The following RNF111 variants were observed in gnomAD, a reference collection of about 807,000 sequenced individuals.
The protein encoded by RNF111 is E3 ubiquitin-protein ligase Arkadia.
RNF111 carries 17 observed loss-of-function variants against 95.1 expected under a neutral mutation model. That is an observed-to-expected ratio of 0.18 (90% CI 0.12 to 0.27). The LOEUF (loss-of-function observed/expected upper bound fraction) is 0.27, where lower values mean the gene tolerates loss of function less well. Among genes scored for constraint, RNF111 ranks in the 10% least tolerant of loss-of-function variants. The pLI is 1.00. For missense variants in RNF111, 1,189 were observed against 1,210.4 expected (o/e 0.98, Z 0.26); for synonymous variants, 440 against 414.8 (o/e 1.06, Z -0.74).
chr15:58,990,985 C>A lies in RNF111; in HGVS notation c.-20+2917C>A, dbSNP rs551582204. On this transcript the variant is annotated intron_variant, in intron 1 of 13. Transcript: ENST00000348370. ...ATATCATTACATGAGGAGTGAATTACAAATATTTAAAGACAAATACTTAGC... is the reference window on the plus strand; with the variant it reads ...ATATCATTACATGAGGAGTGAATTAAAAATATTTAAAGACAAATACTTAGC... Among the ~76,000 whole-genome samples, 66 of 152,006 alleles carry A rather than the reference C, an allele frequency of 4.3e-4. 1 individual carries two copies. Among genetic ancestry groups the A allele is most frequent in the Non-Finnish European group, 8.2e-4 (56 of 67,982 alleles).
chr15:59,029,244 A>G (rs2040787560), intron 1 of RNF111, among the ~76,000 whole-genome samples: 1 of 151,910 alleles, frequency 6.6e-6, no homozygotes, highest in African/African-American at 2.4e-5. Context: ...GTTTGGCCCC[A>G]TTCAACTCTT....
At chr15:58,997,237 T>A (rs2039117992) in intron 1 of RNF111, among the ~76,000 whole-genome samples, 3 of 152,212 alleles carry the variant, frequency 2.0e-5, no homozygotes, top group Non-Finnish European at 4.4e-5. Context: ...TTTCCTCCTG[T>A]ATTTTATATG....
chr15:58,998,287 G>C (rs1036083610), intron 1 of RNF111, among the ~76,000 whole-genome samples: 1 of 151,576 alleles, frequency 6.6e-6, no homozygotes, highest in African/African-American at 2.4e-5. Context: ...TATAAATGCA[G>C]GTTTGTTACA....
chr15:59,091,515 A>C (rs1400443326), intron 12 of RNF111, among the ~76,000 whole-genome samples: 4 of 152,226 alleles, frequency 2.6e-5, no homozygotes, highest in African/African-American at 9.6e-5. Context: ...TAGCTCCCAC[A>C]GATCACCCTT....
intron 2 of RNF111, among the ~76,000 whole-genome samples, chr15:59,035,032 A>G (rs1354975395): frequency 1.3e-5 from 2 of 152,176 alleles, no homozygotes; most frequent in Non-Finnish European, 2.9e-5. Context: ...CAATTATGGC[A>G]GAAGGTGAAT....
chr15:59,090,332 C>T (rs1450655033), intron 11 of RNF111, among the ~76,000 whole-genome samples: 3 of 152,136 alleles, frequency 2.0e-5, no homozygotes, highest in Non-Finnish European at 4.4e-5. Context: ...TGGGTTCAAG[C>T]AATTCTCCTG....
At chr15:59,084,102 T>C (rs767206571) in intron 8 of RNF111, 27 bp from the exon 9 acceptor site, 11 of 1,548,328 alleles carry the variant, frequency 7.1e-6, no homozygotes, top group Non-Finnish European at 9.6e-6. Context: ...TTATTTCCAG[T>C]GGTCTTTTTG....
At chr15:59,062,010 T>C (rs915904669) in intron 5 of RNF111, among the ~76,000 whole-genome samples, 5 of 151,826 alleles carry the variant, frequency 3.3e-5, no homozygotes, top group Non-Finnish European at 5.9e-5. Flanking sequence ...CTGATGACTC[T>C]CTCTTCTGTG....
At chr15:59,018,540 G>A (rs1006747250) in intron 1 of RNF111, among the ~76,000 whole-genome samples, 1 of 151,544 alleles carries the variant, frequency 6.6e-6, no homozygotes, top group Non-Finnish European at 1.5e-5. Flanking sequence ...TTGGTAAATG[G>A]TTACTTTTTA....
chr15:59,077,707 ACT>A (rs1470284674), intron 7 of RNF111, among the ~76,000 whole-genome samples: 2 of 152,126 alleles, frequency 1.3e-5, no homozygotes, highest in African/African-American at 4.8e-5. Context: ...GTATAGTTTA[ACT>A]TCCTAGAAAT....
intron 13 of RNF111, among the ~76,000 whole-genome samples, chr15:59,093,072 C>G (rs1311591927): frequency 6.6e-6 from 1 of 152,202 alleles, no homozygotes; most frequent in Admixed American, 6.5e-5. Context: ...TTACCAATTT[C>G]TGGCACGTAG....
At chr15:58,988,413 G>A (rs1345369153) in intron 1 of RNF111, 3 of 152,548 alleles carry the variant, frequency 2.0e-5, no homozygotes, top group African/African-American at 7.2e-5. Context: ...AAGGTAACCC[G>A]GACCCGGGGA....
At chr15:59,029,451 G>T (rs1160232570) in intron 1 of RNF111, among the ~76,000 whole-genome samples, 3 of 152,196 alleles carry the variant, frequency 2.0e-5, no homozygotes, top group Non-Finnish European at 2.9e-5. Context: ...ATACAGCACT[G>T]CCTGTGCTTG....
rs554021078 is a variant in RNF111, at chr15:59,096,270, C to G, written c.*1370C>G. ...GCCTAATTTTATTTGTTTAAATATG[C>G]TTAATATGCCCCAGATTGCAAATGC... On this transcript the variant is annotated 3_prime_UTR_variant, in exon 14 of 14. Transcript: ENST00000348370. 2.6e-6 allele frequency: 1 copy of G among 387,658 alleles called. No individual in the cohort carries two copies. Among genetic ancestry groups the G allele is most frequent in the Non-Finnish European group, 4.6e-6 (1 of 219,378 alleles). The allele number at this position is 387,658 out of a possible 1,614,324, so 24.0% of individuals were successfully genotyped here. A position where few individuals can be genotyped will look rare whatever the true frequency, so the allele number is the denominator to read the frequency against.
intron 2 of RNF111, among the ~76,000 whole-genome samples, chr15:59,037,887 A>G (rs1201491012): frequency 1.3e-5 from 2 of 152,184 alleles, no homozygotes; most frequent in African/African-American, 4.8e-5. Context: ...CTTCAAGGAA[A>G]CGTAAATGTC....
chr15:59,081,351 A>G (rs2078737378), intron 8 of RNF111, 67 bp downstream of exon 8: 8 of 1,351,912 alleles, frequency 5.9e-6, no homozygotes, highest in African/African-American at 4.3e-5. Flanking sequence ...GGTCTTTACA[A>G]CTCTGAAATC....
intron 7 of RNF111, among the ~76,000 whole-genome samples, chr15:59,080,728 A>T (rs1302910245): frequency 2.6e-5 from 4 of 152,138 alleles, no homozygotes; most frequent in African/African-American, 7.2e-5. Flanking sequence ...GTGAAGTTAA[A>T]CTATAATATA....
At chr15:59,082,145 C>T (rs1269827108) in intron 8 of RNF111, among the ~76,000 whole-genome samples, 2 of 152,296 alleles carry the variant, frequency 1.3e-5, no homozygotes, top group Admixed American at 6.5e-5. Flanking sequence ...TCTTTGCTAA[C>T]GAGAACCTTC....
At chr15:59,043,791 G>A (rs2041581417) in intron 2 of RNF111, among the ~76,000 whole-genome samples, 1 of 152,150 alleles carries the variant, frequency 6.6e-6, no homozygotes, top group South Asian at 2.1e-4. Flanking sequence ...AAAAGCATCT[G>A]GTAGCAGGAA....
Sources: allele counts gnomAD v4.1 joint callset (sites outside exome capture counted in the v4.1 genomes callset), GRCh38; gene constraint gnomAD v4.1.1; transcripts MANE v1.5; gene names NCBI Gene and HGNC (gene_info 2026-07-23, HGNC 2026-07-21).